Variants in IFI44L observed in about 807,000 individuals in gnomAD.
The protein encoded by IFI44L is interferon induced protein 44 like.
A neutral mutation model predicts 39.3 loss-of-function variants in IFI44L; 40 were observed. The ratio of observed to expected loss-of-function variants is 1.02; its 90% confidence interval spans 0.79 to 1.33. IFI44L has a LOEUF of 1.33. IFI44L is among the 40% of genes most tolerant of loss of function. IFI44L has a pLI of 0.00. For missense variants in IFI44L, 623 were observed against 549.0 expected (o/e 1.13, Z -1.35); for synonymous variants, 198 against 182.3 (o/e 1.09, Z -0.69).
At chr1:78,636,104 G>T (rs965545443) in intron 5 of IFI44L, 4 of 151,996 alleles carry the variant, frequency 2.6e-5, no homozygotes, top group African/African-American at 9.7e-5. Context: ...TCTTTTAGGT[G>T]TTGGGTATCA....
chr1:78,642,115 G>A lies in IFI44L; in HGVS notation c.*306G>A. On this transcript the variant is annotated 3_prime_UTR_variant, in exon 9 of 9. Coordinates refer to ENST00000370751, the MANE Select transcript of IFI44L (RefSeq NM_006820.4). ...ATTCTTCTATAACACTCTATATAGA[G>A]CTATGTGAGTACTAATCACATTGAA... The A allele has an allele frequency of 2.2e-6, 1 of 452,520 alleles. No homozygotes were observed. Among genetic ancestry groups the A allele is most frequent in the Non-Finnish European group, 4.0e-6 (1 of 249,728 alleles). 28.0% of individuals were successfully genotyped at this position (452,520 alleles called of 1,614,324 possible).
chr1:78,641,200 C>A, intron 7 of IFI44L, 79 bp downstream of exon 7: 2 of 1,043,100 alleles, frequency 1.9e-6, no homozygotes, highest in Admixed American at 1.8e-5. Flanking sequence ...TGTGTCTGTA[C>A]GTGTATATGT....
chr1:78,641,235 A>G, intron 7 of IFI44L, 114 bp downstream of exon 7: 1 of 888,726 alleles, frequency 1.1e-6, no homozygotes, highest in Non-Finnish European at 1.8e-6. Context: ...TTTGCAGGGA[A>G]ATGAAGAATG....
rs903668691 is a variant in IFI44L, at chr1:78,641,301, T to G, written c.1150-134T>G. On this transcript the variant is annotated intron_variant, in intron 7 of 8. Coordinates refer to ENST00000370751, the MANE Select transcript of IFI44L (RefSeq NM_006820.4). ...ATCACACTTTAAAACTGCAATGATC[T>G]GAATTATTGTATGTTCCGAAGATAA... The G allele has an allele frequency of 3.8e-5, 34 of 905,536 alleles. No homozygotes were observed. The African/African-American group carries it at 5.7e-4, about 15-fold the overall frequency. The allele number at this position is 905,536 out of a possible 1,614,324, so 56.1% of individuals were successfully genotyped here. A position where few individuals can be genotyped will look rare whatever the true frequency, so the allele number is the denominator to read the frequency against.
At chr1:78,620,986 G>A (rs1418596075) in intron 1 of IFI44L, 2 of 152,084 alleles carry the variant, frequency 1.3e-5, no homozygotes. Flanking sequence ...GTGACTTCTT[G>A]CCATCCAATT....
chr1:78,641,980 A>G lies in IFI44L; in HGVS notation c.*171A>G. 2.8e-6 allele frequency: 2 copies of G among 717,086 alleles called. No homozygotes were observed. Among genetic ancestry groups the G allele is most frequent in the East Asian group, 5.0e-5 (2 of 39,698 alleles). 44.4% of individuals were successfully genotyped at this position (717,086 alleles called of 1,614,324 possible). A position where few individuals can be genotyped will look rare whatever the true frequency, so the allele number is the denominator to read the frequency against. On this transcript the variant is annotated 3_prime_UTR_variant, in exon 9 of 9. Transcript: ENST00000370751. ...GCCAAAACCTGAGAAGCGGTGGGCT[A>G]AGATAGGTCCTACTGCAAACCACCC... is the stretch of plus-strand genomic sequence containing the variant.
Position 78,627,913 on chromosome 1 carries a change from A to T in IFI44L, c.-3A>T. 2 of 1,564,848 alleles carry T rather than the reference A, an allele frequency of 1.3e-6. No individual in the cohort carries two copies. Among genetic ancestry groups the T allele is most frequent in the Non-Finnish European group, 1.7e-6 (2 of 1,152,366 alleles). On this transcript the variant is annotated 5_prime_UTR_variant, in exon 2 of 9. Transcript: ENST00000370751. ...TAATTGTTTTTCCATTAGATATAGAACAATGGAAGTGACAACAAGATTGAC... is the reference window on the plus strand; with the variant it reads ...TAATTGTTTTTCCATTAGATATAGATCAATGGAAGTGACAACAAGATTGAC...
In IFI44L at chr1:78,645,455, C is replaced by A. The variant is rs1170973813; in HGVS notation, c.*3646C>A. ...TTGTTTAGAAAGATAAATTTAAAGA[C>A]TATCACATTGCTTTTTCATAAAACA... On this transcript the variant is annotated 3_prime_UTR_variant, in exon 9 of 9. Transcript: ENST00000370751. 1 of 152,170 alleles carries A rather than the reference C, an allele frequency of 6.6e-6. No individual in the cohort carries two copies. The highest frequency in any genetic ancestry group is 1.5e-5 in the Non-Finnish European group (1 of 68,038). 9.4% of individuals were successfully genotyped at this position (152,170 alleles called of 1,614,324 possible).
intron 3 of IFI44L, 180 bp from the exon 4 acceptor site, chr1:78,629,540 T>C (rs1482112517): frequency 1.3e-5 from 6 of 463,222 alleles, no homozygotes; most frequent in East Asian, 3.3e-5. Context: ...AAGCACAAAA[T>C]GTATAACTTT....
intron 1 of IFI44L, among the ~76,000 whole-genome samples, chr1:78,623,600 G>C (rs970783259): frequency 6.6e-6 from 1 of 151,992 alleles, no homozygotes; most frequent in East Asian, 1.9e-4. Flanking sequence ...TGGAGGGCGA[G>C]AAGTCTCACT....
chr1:78,631,925 A>G (rs182541743), intron 4 of IFI44L, among the ~76,000 whole-genome samples: 1 of 152,202 alleles, frequency 6.6e-6, no homozygotes, highest in East Asian at 1.9e-4. Flanking sequence ...CAATTACTGC[A>G]CTTACAGGAA....
At chr1:78,633,000 T>C (rs550343586) in intron 4 of IFI44L, among the ~76,000 whole-genome samples, 1 of 152,264 alleles carries the variant, frequency 6.6e-6, no homozygotes, top group Non-Finnish European at 1.5e-5. Context: ...CAGCAATCAT[T>C]CCTCCACTGA....
Position 78,641,829 on chromosome 1 carries a change from G to C in IFI44L, c.*20G>C. 6.2e-7 allele frequency: 1 copy of C among 1,611,984 alleles called. No individual in the cohort carries two copies. The highest frequency in any genetic ancestry group is 8.5e-7 in the Non-Finnish European group (1 of 1,178,132). ...ATTTGAGATAAGTTGCCTTGATTCT[G>C]ACATTTGGCCCAGCCTGTACTGGTG... On this transcript the variant is annotated 3_prime_UTR_variant, in exon 9 of 9. Coordinates refer to ENST00000370751, the MANE Select transcript of IFI44L (RefSeq NM_006820.4).
chr1:78,627,385 TC>T (rs1488063697), intron 1 of IFI44L: 2 of 152,068 alleles, frequency 1.3e-5, no homozygotes, highest in Non-Finnish European at 2.9e-5. Context: ...TTGCAAGAAT[TC>T]CTAGGCTCCA....
intron 1 of IFI44L, among the ~76,000 whole-genome samples, chr1:78,623,091 T>C (rs1570347493): frequency 6.6e-6 from 1 of 152,226 alleles, no homozygotes; most frequent in Non-Finnish European, 1.5e-5. Context: ...TATCGGTAGA[T>C]GCTTTAAGGT....
In IFI44L at chr1:78,628,175, T is replaced by C. The variant is rs563395420; in HGVS notation, c.260T>C (p.Leu87Pro). The C allele has an allele frequency of 1.2e-6, 2 of 1,612,738 alleles. No individual in the cohort carries two copies. Among genetic ancestry groups the C allele is most frequent in the East Asian group, 4.5e-5 (2 of 44,746 alleles). ...TEPNDSLWFS[L>P]QKKNDTTEIE... ...CCAAATGATTCCCTATGGTTTTCAC[T>C]TCAAAAGAAAAATGACACCACTGAA... The change falls in exon 2 of 9, where the codon CTT (leucine) becomes CCT (proline). Residue 87 changes from leucine (L) to proline (P), a missense_variant. Coordinates refer to ENST00000370751, the MANE Select transcript of IFI44L (RefSeq NM_006820.4).
In IFI44L at chr1:78,627,952, A is replaced by AATC; in HGVS notation, c.41_43dup (p.His14dup). On this transcript the variant is annotated inframe_insertion, in exon 2 of 9. Coordinates refer to ENST00000370751, the MANE Select transcript of IFI44L (RefSeq NM_006820.4). ...AACAAGATTGACATGGAATGATGAA[A>AATC]ATCATCTGCGCAAGCTGCTTGGAAA... 1 of 1,606,330 alleles carries AATC rather than the reference A, an allele frequency of 6.2e-7. No individual in the cohort carries two copies. The highest frequency in any genetic ancestry group is 8.5e-7 in the Non-Finnish European group (1 of 1,176,962).
In IFI44L at chr1:78,627,948, T is replaced by C; in HGVS notation, c.33T>C (p.Asp11=). 6.2e-7 allele frequency: 1 copy of C among 1,605,998 alleles called. No individual in the cohort carries two copies. Among genetic ancestry groups the C allele is most frequent in the Non-Finnish European group, 8.5e-7 (1 of 1,176,732 alleles). The change falls in exon 2 of 9, where the codon GAT becomes GAC. Residue 11 remains aspartate (D), a synonymous_variant. Transcript: ENST00000370751. MEVTTRLTWN[D]ENHLRKLLGN... ...TGACAACAAGATTGACATGGAATGATGAAAATCATCTGCGCAAGCTGCTTG... is the reference window on the plus strand; with the variant it reads ...TGACAACAAGATTGACATGGAATGACGAAAATCATCTGCGCAAGCTGCTTG...
At position 78,643,661 on chromosome 1, in the gene IFI44L, T is replaced by G. The variant is rs868594712; in HGVS notation, c.*1852T>G. On this transcript the variant is annotated 3_prime_UTR_variant, in exon 9 of 9. Transcript: ENST00000370751. Reference sequence around the variant, plus strand: ...TTTTTTTTTTGTTGTTGTTTTTTTTTTTTTTTGTTTTTTTGCTGAGTCAAT... The same window carrying G: ...TTTTTTTTTTGTTGTTGTTTTTTTTGTTTTTTGTTTTTTTGCTGAGTCAAT... 1 of 143,902 alleles carries G rather than the reference T, an allele frequency of 6.9e-6. No homozygotes were observed. The highest frequency in any genetic ancestry group is 2.5e-5 in the African/African-American group (1 of 40,604). 8.9% of individuals were successfully genotyped at this position (143,902 alleles called of 1,614,324 possible).
Sources: gnomAD v4.1 joint callset for allele counts (sites outside exome capture counted in the v4.1 genomes callset) on GRCh38, gnomAD v4.1.1 for gene constraint, MANE v1.5 for transcripts, NCBI Gene and HGNC (gene_info 2026-07-23, HGNC 2026-07-21) for gene names.